Variants in PIP5K1B observed in about 807,000 individuals in gnomAD.
The protein encoded by PIP5K1B is phosphatidylinositol-4-phosphate 5-kinase type 1 beta, also known as phosphatidylinositol 4-phosphate 5-kinase type-1 beta.
A neutral mutation model predicts 67.0 loss-of-function variants in PIP5K1B; 42 were observed. The observed-to-expected ratio is 0.63, with a 90% CI of 0.49 to 0.81. The LOEUF is 0.81. PIP5K1B is among the 30% of genes least tolerant of loss of function. PIP5K1B has a pLI of 0.00. For synonymous variants in PIP5K1B, 214 were observed against 231.4 expected (o/e 0.92, Z 0.68); for missense variants, 459 against 646.3 (o/e 0.71, Z 3.14).
intron 2 of PIP5K1B, chr9:68,788,476 T>TTTG (rs200163671): frequency 5.6e-6 from 2 of 356,036 alleles, no homozygotes; most frequent in East Asian, 8.1e-5. Flanking sequence ...CAGGAAGGTT[T>TTTG]TTGTTTTGTT....
At chr9:68,991,365 A>G in intron 15 of PIP5K1B, 108 bp downstream of exon 15, 1 of 668,300 alleles carries the variant, frequency 1.5e-6, no homozygotes. Flanking sequence ...TTGGGTTTTA[A>G]AAGAAATGAT....
intron 2 of PIP5K1B, among the ~76,000 whole-genome samples, chr9:68,791,730 G>A (rs542910132): frequency 1.2e-4 from 19 of 152,164 alleles, no homozygotes; most frequent in East Asian, 3.9e-4. Flanking sequence ...TCAAGGCCCC[G>A]TTTACCATAC....
chr9:68,722,755 T>C (rs1416761606), intron 1 of PIP5K1B, among the ~76,000 whole-genome samples: 1 of 152,052 alleles, frequency 6.6e-6, no homozygotes, highest in Non-Finnish European at 1.5e-5. Flanking sequence ...CACTGTGTAA[T>C]GATCAAATCA....
At chr9:68,983,744 C>CT (rs1829987665) in intron 14 of PIP5K1B, among the ~76,000 whole-genome samples, 1 of 152,174 alleles carries the variant, frequency 6.6e-6, no homozygotes, top group South Asian at 2.1e-4. Flanking sequence ...CTCAGACAGT[C>CT]TGAATCGAGA....
chr9:68,749,045 C>T (rs1829482807), intron 2 of PIP5K1B, among the ~76,000 whole-genome samples: 1 of 152,196 alleles, frequency 6.6e-6, no homozygotes, highest in Admixed American at 6.5e-5. Flanking sequence ...GGGCACATGA[C>T]TTGAAGTTCC....
intron 5 of PIP5K1B, among the ~76,000 whole-genome samples, chr9:68,866,864 C>A (rs1375093200): frequency 6.6e-6 from 1 of 151,984 alleles, no homozygotes; most frequent in African/African-American, 2.4e-5. Context: ...AGAGTCCAGT[C>A]CAGGGAAAAA....
chr9:68,840,896 G>T (rs1821885504), intron 4 of PIP5K1B, among the ~76,000 whole-genome samples: 1 of 152,182 alleles, frequency 6.6e-6, no homozygotes, highest in Non-Finnish European at 1.5e-5. Flanking sequence ...ATCTTTGGGA[G>T]ACATTGTTCT....
intron 4 of PIP5K1B, among the ~76,000 whole-genome samples, chr9:68,844,610 T>C (rs1822091576): frequency 1.5e-5 from 1 of 65,534 alleles, no homozygotes; most frequent in African/African-American, 6.1e-5. Context: ...GGAGATCCAA[T>C]GGGGGAGATC....
intron 4 of PIP5K1B, among the ~76,000 whole-genome samples, chr9:68,844,966 T>C (rs1822113820): frequency 6.6e-6 from 1 of 152,124 alleles, no homozygotes; most frequent in Non-Finnish European, 1.5e-5. Context: ...AACAGACATC[T>C]AGAAAATGGT....
At chr9:68,882,938 C>A (rs1176551065) in intron 6 of PIP5K1B, among the ~76,000 whole-genome samples, 1 of 152,112 alleles carries the variant, frequency 6.6e-6, no homozygotes, top group Non-Finnish European at 1.5e-5. Context: ...CTCAGTGTAT[C>A]CTAGGGTGGT....
At chr9:68,761,160 A>G (rs1830166063) in intron 2 of PIP5K1B, among the ~76,000 whole-genome samples, 1 of 152,054 alleles carries the variant, frequency 6.6e-6, no homozygotes, top group Non-Finnish European at 1.5e-5. Context: ...CATTAATTAC[A>G]TGGAGTGGAC....
chr9:68,917,819 AT>A, intron 9 of PIP5K1B, 60 bp downstream of exon 9: 1 of 1,216,604 alleles, frequency 8.2e-7, no homozygotes, highest in Non-Finnish European at 1.2e-6. Flanking sequence ...TCACTGGGTA[AT>A]TATAGACAGT....
At chr9:68,936,716 A>G (rs1827282971) in intron 13 of PIP5K1B, among the ~76,000 whole-genome samples, 1 of 152,062 alleles carries the variant, frequency 6.6e-6, no homozygotes. Context: ...GATTTCAGCA[A>G]GAGAGTTACA....
At chr9:68,936,075 T>C (rs189696801) in intron 13 of PIP5K1B, 5 of 152,362 alleles carry the variant, frequency 3.3e-5, no homozygotes, top group Admixed American at 1.3e-4. Flanking sequence ...TGCAGAGATA[T>C]TGATATAGAT....
At chr9:68,990,135 G>T (rs1245801613) in intron 14 of PIP5K1B, among the ~76,000 whole-genome samples, 1 of 152,192 alleles carries the variant, frequency 6.6e-6, no homozygotes, top group Non-Finnish European at 1.5e-5. Context: ...TAGTTACTAA[G>T]GGTGTGCTCC....
intron 14 of PIP5K1B, among the ~76,000 whole-genome samples, chr9:68,984,576 T>C (rs1251584544): frequency 6.6e-6 from 1 of 152,258 alleles, no homozygotes; most frequent in African/African-American, 2.4e-5. Flanking sequence ...TCTCCCAAAT[T>C]CTTTTATATG....
At chr9:68,881,404 G>A (rs980724677) in intron 6 of PIP5K1B, among the ~76,000 whole-genome samples, 2 of 152,216 alleles carry the variant, frequency 1.3e-5, no homozygotes, top group Non-Finnish European at 2.9e-5. Context: ...AAAGGATACA[G>A]TGCCAATCAC....
chr9:68,909,004 G>A (rs1317312703), intron 8 of PIP5K1B, among the ~76,000 whole-genome samples: 1 of 152,174 alleles, frequency 6.6e-6, no homozygotes, highest in Non-Finnish European at 1.5e-5. Flanking sequence ...GATCAAGTGA[G>A]ATGGAACATA....
At chr9:68,929,935 G>T (rs538464993) in intron 12 of PIP5K1B, among the ~76,000 whole-genome samples, 9 of 152,330 alleles carry the variant, frequency 5.9e-5, no homozygotes, top group African/African-American at 2.2e-4. Flanking sequence ...CTCCCAAAGT[G>T]CTGGGATTAC....
Sources: allele counts gnomAD v4.1 joint callset (sites outside exome capture counted in the v4.1 genomes callset), GRCh38; gene constraint gnomAD v4.1.1; transcripts MANE v1.5; gene names NCBI Gene and HGNC (gene_info 2026-07-23, HGNC 2026-07-21).